The following STIM2 variants were observed in gnomAD, a reference collection of about 807,000 sequenced individuals.
STIM2 encodes the protein stromal interaction molecule 2.
STIM2 carries 31 observed loss-of-function variants against 85.8 expected under a neutral mutation model. The ratio of observed to expected loss-of-function variants is 0.36; its 90% CI spans 0.27 to 0.49. The LOEUF (loss-of-function observed/expected upper bound fraction) is 0.49. Among genes scored for constraint, STIM2 ranks in the 20% least tolerant of loss-of-function variants. The probability of loss-of-function intolerance (pLI) is 0.98; values close to 1 mark genes in which losing one functional copy is unlikely to be tolerated. For synonymous variants in STIM2, 356 were observed against 331.1 expected, an observed-to-expected ratio of 1.08 and a Z score of -0.82; for missense variants, 841 against 927.6, an observed-to-expected ratio of 0.91 and a Z score of 1.21.
In STIM2 at chr4:27,017,993, A is replaced by C; in HGVS notation, c.1763+9A>C. ...TCTGCTGAAAAGCAATGGTATTGGC[A>C]GTGAATAATCTACAGGGCATGTTGG... On this transcript the variant is annotated intron_variant, in intron 11 of 11. Coordinates refer to ENST00000467087, the MANE Select transcript of STIM2 (RefSeq NM_020860.4). 1 of 1,612,858 alleles carries C rather than the reference A, an allele frequency of 6.2e-7. No homozygotes were observed. Among genetic ancestry groups the C allele is most frequent in the Non-Finnish European group, 8.5e-7 (1 of 1,179,276 alleles).
intron 1 of STIM2, among the ~76,000 whole-genome samples, chr4:26,875,833 T>G (rs2109032315): frequency 6.6e-6 from 1 of 152,340 alleles, no homozygotes; most frequent in Non-Finnish European, 1.5e-5. Context: ...CAAAAGCCCT[T>G]ACTAATATTT....
At chr4:26,876,540 C>G (rs527254051) in intron 1 of STIM2, among the ~76,000 whole-genome samples, 8 of 152,204 alleles carry the variant, frequency 5.3e-5, no homozygotes, top group African/African-American at 1.9e-4. Context: ...AATGAGAAAC[C>G]ATAAATAAAT....
chr4:26,861,232 G>T lies in STIM2; in HGVS notation c.14G>T (p.Gly5Val). Residue 5 changes from glycine (G) to valine (V), a missense_variant, in exon 1 of 12, where the codon GGG becomes GTG. By Grantham distance (109) the Gly-to-Val change is moderately radical. This residue lies in a region of STIM2 where 140 missense variants were observed against 117.7 expected (regional missense o/e 1.19). Coordinates refer to ENST00000467087, the MANE Select transcript of STIM2 (RefSeq NM_020860.4). ...CGCTGGGCTGCGTTGCTGGTGCTCG[G>T]GCTGCTGGTAGCCGGAGCGGCGGAC... 6.7e-7 allele frequency: 1 copy of T among 1,494,624 alleles called. No individual in the cohort carries two copies. Among genetic ancestry groups the T allele is most frequent in the South Asian group, 1.2e-5 (1 of 80,554 alleles). The allele number at this position is 1,494,624 out of a possible 1,614,324, so 92.6% of individuals were successfully genotyped here.
At chr4:26,864,445 T>C (rs1463404296) in intron 1 of STIM2, among the ~76,000 whole-genome samples, 1 of 151,940 alleles carries the variant, frequency 6.6e-6, no homozygotes, top group East Asian at 1.9e-4. Context: ...GTGACCGATC[T>C]CATCCAGATA....
intron 1 of STIM2, among the ~76,000 whole-genome samples, chr4:26,912,965 A>G (rs956741693): frequency 6.6e-6 from 1 of 152,196 alleles, no homozygotes; most frequent in East Asian, 1.9e-4. Context: ...TGCCCTCCAC[A>G]ACACCCCCGC....
rs565759438 is a variant in STIM2, at chr4:26,955,158, A to G, written c.283-2454A>G. 1.8e-3 allele frequency among the ~76,000 whole-genome samples: 263 copies of G among 147,218 alleles called. 16 individuals carry two copies. Among genetic ancestry groups the G allele is most frequent in the Non-Finnish European group, 2.4e-3 (161 of 67,032 alleles). The stretch of plus-strand genomic sequence containing the variant: ...CTTCAAAAGTTTTAAAAAATTAAAA[A>G]AATCTTTTATTTTGTTAAGTATGTT... On this transcript the variant is annotated intron_variant, in intron 2 of 11. Coordinates refer to ENST00000467087, the MANE Select transcript of STIM2 (RefSeq NM_020860.4).
chr4:26,877,016 T>C (rs1722837485), intron 1 of STIM2, among the ~76,000 whole-genome samples: 1 of 152,214 alleles, frequency 6.6e-6, no homozygotes, highest in Non-Finnish European at 1.5e-5. Context: ...GAGGGCTTTC[T>C]GACCTCTTTG....
intron 3 of STIM2, among the ~76,000 whole-genome samples, chr4:26,975,035 T>C (rs1042428815): frequency 2.0e-5 from 3 of 152,200 alleles, no homozygotes; most frequent in Non-Finnish European, 4.4e-5. Context: ...AAATTGGCTA[T>C]TGAAGCTTGT....
intron 3 of STIM2, among the ~76,000 whole-genome samples, chr4:26,982,199 G>T (rs190679618): frequency 6.6e-6 from 1 of 152,056 alleles, no homozygotes; most frequent in Non-Finnish European, 1.5e-5. Flanking sequence ...CCGTGAAGAT[G>T]CTGGGAGATA....
At chr4:26,879,834 C>T (rs1722938010) in intron 1 of STIM2, among the ~76,000 whole-genome samples, 1 of 152,114 alleles carries the variant, frequency 6.6e-6, no homozygotes, top group Non-Finnish European at 1.5e-5. Flanking sequence ...CCCTCATCGC[C>T]CACATTCTGA....
chr4:26,961,869 A>G (rs1386270586), intron 3 of STIM2, among the ~76,000 whole-genome samples: 6 of 152,030 alleles, frequency 3.9e-5, no homozygotes, highest in African/African-American at 1.5e-4. Context: ...GGCTCAAGTG[A>G]GCCACTAGAG....
chr4:26,871,496 C>G (rs1050111879), intron 1 of STIM2, among the ~76,000 whole-genome samples: 8 of 152,080 alleles, frequency 5.3e-5, no homozygotes, highest in African/African-American at 1.9e-4. Context: ...AATATGACTC[C>G]TATAAAATAT....
At chr4:26,902,405 G>A (rs74356465) in intron 1 of STIM2, among the ~76,000 whole-genome samples, 30,111 of 152,086 alleles carry the variant, frequency 0.2, 3,103 homozygotes, top group East Asian at 0.41. Flanking sequence ...GATCTGCAAA[G>A]AACTTTAATC....
rs1729041057 is a variant in STIM2 at position 27,025,072 on chromosome 4, G to C, written c.*2076G>C. On this transcript the variant is annotated 3_prime_UTR_variant, in exon 12 of 12. Transcript: ENST00000467087. ...AGGCTGGCCAAAGAGACTGTGGGCTGTTTTCAGTCAGGGAGCATGTGCATT... is the reference window on the plus strand; with the variant it reads ...AGGCTGGCCAAAGAGACTGTGGGCTCTTTTCAGTCAGGGAGCATGTGCATT... 1 of 152,154 alleles carries C rather than the reference G, an allele frequency of 6.6e-6. No individual in the cohort carries two copies. The highest frequency in any genetic ancestry group is 2.1e-4 in the South Asian group (1 of 4,830). 9.4% of individuals were successfully genotyped at this position (152,154 alleles called of 1,614,324 possible). A position where few individuals can be genotyped will look rare whatever the true frequency, so the allele number is the denominator to read the frequency against.
chr4:26,890,187 A>T (rs1370996407), intron 1 of STIM2, among the ~76,000 whole-genome samples: 1 of 152,136 alleles, frequency 6.6e-6, no homozygotes. Context: ...GTCATCTGTA[A>T]ACTAGGCCCA....
Position 26,913,458 on chromosome 4 carries a change from G to C in STIM2, c.152-6046G>C, listed in dbSNP as rs368502514. On this transcript the variant is annotated intron_variant, in intron 1 of 11. Transcript: ENST00000467087. ...CCCCTTGGTTATTTTTGTATGGTAT[G>C]TTGCATATTTTGTTCAATAAGTATT... 7.7e-4 allele frequency among the ~76,000 whole-genome samples: 117 copies of C among 152,222 alleles called. 2 individuals are homozygous for C. The South Asian group carries it at 0.023, about 30-fold the overall frequency.
rs1411278555 is a variant in STIM2, at chr4:27,024,490, A to G, written c.*1494A>G. ...TTTAGGTGAAAATGCTAATTGATAA[A>G]CCAGAAGTTTCTTTTGAGATTTGCT... On this transcript the variant is annotated 3_prime_UTR_variant, in exon 12 of 12. Transcript: ENST00000467087. 2 of 152,204 alleles carry G rather than the reference A, an allele frequency of 1.3e-5. No homozygotes were observed. Among genetic ancestry groups the G allele is most frequent in the Non-Finnish European group, 2.9e-5 (2 of 68,028 alleles). 9.4% of individuals were successfully genotyped at this position (152,204 alleles called of 1,614,324 possible). A position where few individuals can be genotyped will look rare whatever the true frequency, so the allele number is the denominator to read the frequency against.
intron 2 of STIM2, among the ~76,000 whole-genome samples, chr4:26,952,928 A>AATT (rs906128565): frequency 5.9e-5 from 9 of 152,272 alleles, no homozygotes; most frequent in Admixed American, 5.9e-4. Flanking sequence ...TCATCTTTAA[A>AATT]AGTGGGAATA....
chr4:26,891,021 T>C (rs1723457108), intron 1 of STIM2, among the ~76,000 whole-genome samples: 2 of 152,160 alleles, frequency 1.3e-5, no homozygotes, highest in South Asian at 4.1e-4. Flanking sequence ...CACAGCAGCT[T>C]ACAATGGCAG....
Sources: allele counts gnomAD v4.1 joint callset (sites outside exome capture counted in the v4.1 genomes callset), GRCh38; gene constraint gnomAD v4.1.1; regional missense constraint gnomAD v4.1.1; transcripts MANE v1.5; gene names NCBI Gene and HGNC (gene_info 2026-07-23, HGNC 2026-07-21).